Variants in CDH12 observed in about 807,000 individuals in gnomAD.
CDH12 encodes cadherin-12.
A neutral mutation model predicts 74.1 loss-of-function variants in CDH12; 41 were observed. That is an observed-to-expected ratio of 0.55 (90% CI 0.43 to 0.72). The LOEUF (loss-of-function observed/expected upper bound fraction) is 0.72, where lower values mean the gene tolerates loss of function less well. Among genes scored for constraint, CDH12 ranks in the 30% least tolerant of loss-of-function variants. CDH12 has a pLI of 0.00. For missense variants in CDH12, 945 were observed against 977.2 expected (o/e 0.97, Z 0.44); for synonymous variants, 399 against 355.0 (o/e 1.12, Z -1.39).
intron 5 of CDH12, among the ~76,000 whole-genome samples, chr5:22,041,470 A>T (rs1261655406): frequency 6.6e-6 from 1 of 152,156 alleles, no homozygotes; most frequent in Admixed American, 6.5e-5. Flanking sequence ...GCAGAAAGTA[A>T]AGGAATGGAA....
intron 1 of CDH12, among the ~76,000 whole-genome samples, chr5:22,754,250 G>A (rs1745760314): frequency 6.6e-6 from 1 of 152,188 alleles, no homozygotes; most frequent in Admixed American, 6.5e-5. Flanking sequence ...TTGTGCACCA[G>A]TTGACAAGAG....
At chr5:22,834,103 C>T (rs1444493657) in intron 1 of CDH12, among the ~76,000 whole-genome samples, 3 of 152,122 alleles carry the variant, frequency 2.0e-5, no homozygotes, top group African/African-American at 7.2e-5. Flanking sequence ...GTGTCTATTG[C>T]ACTTTATAAT....
chr5:22,306,950 C>T (rs55758636), intron 3 of CDH12, among the ~76,000 whole-genome samples: 11,048 of 152,170 alleles, frequency 0.073, 532 homozygotes, highest in South Asian at 0.16. Flanking sequence ...TATTAAGCTG[C>T]TATTTTTATC....
chr5:22,071,583 A>AT (rs1324353127), intron 5 of CDH12, among the ~76,000 whole-genome samples: 1 of 151,950 alleles, frequency 6.6e-6, no homozygotes, highest in Non-Finnish European at 1.5e-5. Flanking sequence ...GATCTATCTA[A>AT]TTTTTTTCAT....
At chr5:22,322,675 A>G (rs1484434383) in intron 3 of CDH12, among the ~76,000 whole-genome samples, 3 of 152,112 alleles carry the variant, frequency 2.0e-5, no homozygotes, top group Admixed American at 6.6e-5. Flanking sequence ...AATCAGATTT[A>G]TTTTCTTTTG....
intron 2 of CDH12, among the ~76,000 whole-genome samples, chr5:22,487,382 AC>A (rs372779346): frequency 6.6e-5 from 10 of 152,296 alleles, no homozygotes; most frequent in African/African-American, 2.2e-4. Context: ...AAGGTAAAAA[AC>A]AGGGATAAAA....
intron 4 of CDH12, among the ~76,000 whole-genome samples, chr5:22,203,651 A>G (rs1178028382): frequency 2.0e-5 from 3 of 152,134 alleles, no homozygotes; most frequent in East Asian, 3.9e-4. Flanking sequence ...TCTATTTTTA[A>G]TATTTTGAGA....
At chr5:22,599,238 C>T (rs1245617445) in intron 1 of CDH12, among the ~76,000 whole-genome samples, 2 of 152,136 alleles carry the variant, frequency 1.3e-5, no homozygotes, top group Non-Finnish European at 2.9e-5. Flanking sequence ...CATTATTCAG[C>T]GGTCTGAACT....
At chr5:22,677,374 AT>A (rs1279555310) in intron 1 of CDH12, among the ~76,000 whole-genome samples, 3 of 152,064 alleles carry the variant, frequency 2.0e-5, no homozygotes, top group African/African-American at 4.8e-5. Flanking sequence ...AAAATGTAAA[AT>A]TTTGAAATTC....
chr5:22,414,589 C>A (rs1184669152), intron 2 of CDH12, among the ~76,000 whole-genome samples: 1 of 151,720 alleles, frequency 6.6e-6, no homozygotes, highest in Non-Finnish European at 1.5e-5. Context: ...TTTCCTTGTA[C>A]TCATGAAAAA....
At chr5:22,343,170 A>G (rs1437712933) in intron 3 of CDH12, among the ~76,000 whole-genome samples, 1 of 151,642 alleles carries the variant, frequency 6.6e-6, no homozygotes, top group Admixed American at 6.6e-5. Flanking sequence ...TGGTATTTTC[A>G]AAGTAGAACG....
intron 11 of CDH12, among the ~76,000 whole-genome samples, chr5:21,776,197 C>A (rs76553340): frequency 0.031 from 4,696 of 152,240 alleles, 173 homozygotes; most frequent in East Asian, 0.15. Context: ...AGCTTCGGAT[C>A]AAACAGCAGT....
rs548323539 is a variant in CDH12 at position 21,852,448 on chromosome 5, A to T, written c.646+2223T>A. ...ACATACTAGAATAGGTTGAAAGTTG[A>T]TATTGGCCAAGTGAAATCAAGGGAA... On this transcript the variant is annotated intron_variant, in intron 7 of 14. Transcript: ENST00000382254. Among the ~76,000 whole-genome samples the T allele has an allele frequency of 2.2e-4, 33 of 151,558 alleles. No homozygotes were observed. In the South Asian group the frequency reaches 6.8e-3, roughly 31 times the overall value.
intron 1 of CDH12, among the ~76,000 whole-genome samples, chr5:22,662,888 G>A (rs1740422664): frequency 6.6e-6 from 1 of 152,094 alleles, no homozygotes; most frequent in Admixed American, 6.5e-5. Context: ...AACAGTGAAG[G>A]CTGAGGTTCT....
intron 9 of CDH12, among the ~76,000 whole-genome samples, chr5:21,804,667 C>T (rs1352447805): frequency 7.8e-4 from 118 of 151,244 alleles, no homozygotes; most frequent in Non-Finnish European, 1.3e-3. Context: ...CACACACACA[C>T]ACACACACAC....
intron 1 of CDH12, among the ~76,000 whole-genome samples, chr5:22,805,385 G>A (rs1230477935): frequency 6.6e-6 from 1 of 151,882 alleles, no homozygotes; most frequent in Middle Eastern, 3.4e-3. Context: ...TTACACATAA[G>A]AGTGAAATAA....
At chr5:22,355,236 T>C (rs1306140614) in intron 3 of CDH12, among the ~76,000 whole-genome samples, 3 of 152,118 alleles carry the variant, frequency 2.0e-5, no homozygotes, top group Non-Finnish European at 2.9e-5. Flanking sequence ...TTCCTTTTCA[T>C]GACTAATTTA....
intron 2 of CDH12, among the ~76,000 whole-genome samples, chr5:22,488,332 G>A (rs1746693765): frequency 6.6e-6 from 1 of 152,178 alleles, no homozygotes; most frequent in Non-Finnish European, 1.5e-5. Flanking sequence ...TTCCGTGGGT[G>A]TCAATTTACC....
chr5:22,283,215 TAG>T (rs376292126), intron 3 of CDH12, among the ~76,000 whole-genome samples: 47,639 of 115,020 alleles, frequency 0.41, 9,451 homozygotes, highest in South Asian at 0.52. Context: ...GATATATATA[TAG>T]ATATATATAT....
Sources: gnomAD v4.1 joint callset for allele counts (sites outside exome capture counted in the v4.1 genomes callset) on GRCh38, gnomAD v4.1.1 for gene constraint, MANE v1.5 for transcripts, NCBI Gene and HGNC (gene_info 2026-07-23, HGNC 2026-07-21) for gene names.